The following NEGR1 variants were observed in gnomAD, a reference collection of about 807,000 sequenced individuals.
NEGR1 encodes IgLON family member 4.
NEGR1 carries 10 observed loss-of-function variants against 40.9 expected under a neutral mutation model. The observed-to-expected ratio is 0.24, with a 90% confidence interval of 0.15 to 0.42. The LOEUF (loss-of-function observed/expected upper bound fraction) is 0.42. Ranked by LOEUF, NEGR1 falls within the 10% of genes least tolerant of loss-of-function variation. The probability of loss-of-function intolerance (pLI) is 1.00; values close to 1 mark genes in which losing one functional copy is unlikely to be tolerated. For synonymous variants in NEGR1, 185 were observed against 166.8 expected, an observed-to-expected ratio of 1.11 and a Z score of -0.84; for missense variants, 352 against 438.9, an observed-to-expected ratio of 0.80 and a Z score of 1.77.
At chr1:71,575,284 T>C (rs1357815476) in intron 6 of NEGR1, among the ~76,000 whole-genome samples, 2 of 152,210 alleles carry the variant, frequency 1.3e-5, no homozygotes, top group Non-Finnish European at 2.9e-5. Flanking sequence ...CTACAAAGCA[T>C]CAACCTTGAC....
rs1465621352 is a variant in NEGR1 at position 71,401,733 on chromosome 1, A to C, written c.*5713T>G. 6.6e-6 allele frequency: 1 copy of C among 152,132 alleles called. No homozygotes were observed. The highest frequency in any genetic ancestry group is 1.5e-5 in the Non-Finnish European group (1 of 68,020). 9.4% of individuals were successfully genotyped at this position (152,132 alleles called of 1,614,324 possible). Reference sequence around the variant, plus strand: ...TTCTGTTGATTGCAGATGTCTGAGGAATAGTCTTAGTGGATTATCCCAAAC... The same window carrying C: ...TTCTGTTGATTGCAGATGTCTGAGGCATAGTCTTAGTGGATTATCCCAAAC... On this transcript the variant is annotated 3_prime_UTR_variant, in exon 7 of 7. Coordinates refer to ENST00000357731, the MANE Select transcript of NEGR1 (RefSeq NM_173808.3).
Position 71,776,154 on chromosome 1 carries a change from A to T in NEGR1, c.535+18T>A. 6.2e-7 allele frequency: 1 copy of T among 1,603,052 alleles called. No homozygotes were observed. Among genetic ancestry groups the T allele is most frequent in the Non-Finnish European group, 8.5e-7 (1 of 1,173,270 alleles). On this transcript the variant is annotated intron_variant, in intron 3 of 6. Transcript: ENST00000357731. ...AAAAATGAACAGCACAAACAACACT[A>T]ATGCATTCCTACTTTACCTGATGGG... is the stretch of plus-strand genomic sequence containing the variant.
intron 1 of NEGR1, among the ~76,000 whole-genome samples, chr1:71,958,993 G>A (rs1252180641): frequency 1.3e-5 from 2 of 148,902 alleles, no homozygotes; most frequent in African/African-American, 2.5e-5. Context: ...CAATCTTAAT[G>A]TTGTCGTCTA....
At chr1:71,763,528 A>G (rs1656017564) in intron 3 of NEGR1, among the ~76,000 whole-genome samples, 1 of 152,102 alleles carries the variant, frequency 6.6e-6, no homozygotes, top group South Asian at 2.1e-4. Flanking sequence ...TTATGTAAAC[A>G]CTCTGAGTAT....
At chr1:71,498,279 G>A (rs1287954977) in intron 6 of NEGR1, among the ~76,000 whole-genome samples, 1 of 151,740 alleles carries the variant, frequency 6.6e-6, no homozygotes, top group Admixed American at 6.6e-5. Flanking sequence ...TCCTTCTGGT[G>A]TAGTAAGGAT....
chr1:71,593,102 T>C, intron 5 of NEGR1, 134 bp from the exon 6 acceptor site: 1 of 550,426 alleles, frequency 1.8e-6, no homozygotes, highest in South Asian at 2.9e-5. Flanking sequence ...GTGATAATGG[T>C]GCAATTTACA....
intron 1 of NEGR1, among the ~76,000 whole-genome samples, chr1:72,051,725 C>T (rs1468144181): frequency 3.0e-4 from 46 of 151,484 alleles, no homozygotes; most frequent in Non-Finnish European, 1.0e-4. Context: ...GAGCTCCCCA[C>T]AAGACTGTGA....
At chr1:71,462,190 G>A (rs751993405) in intron 6 of NEGR1, among the ~76,000 whole-genome samples, 34 of 152,108 alleles carry the variant, frequency 2.2e-4, no homozygotes, top group Admixed American at 1.7e-3. Flanking sequence ...GCACTGAGGG[G>A]GAAATAGTGT....
intron 1 of NEGR1, among the ~76,000 whole-genome samples, chr1:72,088,796 C>CTTTTT: frequency 1.3e-5 from 1 of 74,920 alleles, no homozygotes; most frequent in East Asian, 6.7e-4. Context: ...CTCTCTCTCT[C>CTTTTT]TTTTTTTTTT....
chr1:71,985,887 T>C (rs1368185643), intron 1 of NEGR1, among the ~76,000 whole-genome samples: 1 of 152,188 alleles, frequency 6.6e-6, no homozygotes, highest in Non-Finnish European at 1.5e-5. Context: ...CACATTTTAG[T>C]TGATGAAATA....
chr1:72,056,894 C>T (rs571872383), intron 1 of NEGR1, among the ~76,000 whole-genome samples: 1 of 151,594 alleles, frequency 6.6e-6, no homozygotes, highest in South Asian at 2.1e-4. Context: ...TGTGTAATTC[C>T]ACATAGTTAT....
chr1:72,261,326 T>C (rs1381368039), intron 1 of NEGR1, among the ~76,000 whole-genome samples: 2 of 152,146 alleles, frequency 1.3e-5, no homozygotes, highest in African/African-American at 2.4e-5. Flanking sequence ...TTTTCAATTC[T>C]GTCACATTTT....
chr1:71,544,448 T>C (rs1647823103), intron 6 of NEGR1, among the ~76,000 whole-genome samples: 1 of 151,636 alleles, frequency 6.6e-6, no homozygotes, highest in African/African-American at 2.4e-5. Flanking sequence ...CAGTGTGACA[T>C]TGAGTAAATT....
At chr1:71,644,308 C>T (rs1651455027) in intron 4 of NEGR1, among the ~76,000 whole-genome samples, 1 of 151,872 alleles carries the variant, frequency 6.6e-6, no homozygotes, top group Non-Finnish European at 1.5e-5. Context: ...CTAGTCCCCG[C>T]TCACACATCA....
intron 2 of NEGR1, among the ~76,000 whole-genome samples, chr1:71,887,897 C>G (rs987210768): frequency 4.6e-5 from 7 of 151,984 alleles, no homozygotes; most frequent in African/African-American, 1.5e-4. Context: ...CTCCCCTACC[C>G]CCACCTGGAG....
chr1:71,674,586 G>GCACACACACACACACA (rs3220087), intron 4 of NEGR1, among the ~76,000 whole-genome samples: 1 of 146,906 alleles, frequency 6.8e-6, no homozygotes, highest in African/African-American at 2.5e-5. Flanking sequence ...TGCTGGGAGG[G>GCACACACACACACACA]CACACACACA....
At chr1:71,688,788 G>C (rs1438952221) in intron 4 of NEGR1, among the ~76,000 whole-genome samples, 2 of 152,066 alleles carry the variant, frequency 1.3e-5, no homozygotes, top group African/African-American at 2.4e-5. Flanking sequence ...GCTACTTTCT[G>C]ATACTATTGA....
intron 2 of NEGR1, among the ~76,000 whole-genome samples, chr1:71,866,178 T>C (rs1020869823): frequency 1.3e-5 from 2 of 152,060 alleles, no homozygotes; most frequent in African/African-American, 4.8e-5. Context: ...CATAGAACTC[T>C]TTCTTGGGTT....
intron 6 of NEGR1, chr1:71,408,632 G>A (rs1484960617): frequency 6.6e-6 from 1 of 151,804 alleles, no homozygotes; most frequent in Non-Finnish European, 1.5e-5. Context: ...GCCGTGCTTG[G>A]ACTTGTTTGA....
Sources: gnomAD v4.1 joint callset for allele counts (sites outside exome capture counted in the v4.1 genomes callset) on GRCh38, gnomAD v4.1.1 for gene constraint, MANE v1.5 for transcripts, NCBI Gene and HGNC (gene_info 2026-07-23, HGNC 2026-07-21) for gene names.